Variants in ARHGAP44 observed in about 807,000 individuals in gnomAD.
ARHGAP44 encodes rho GTPase-activating protein 44.
A neutral mutation model predicts 106.8 loss-of-function variants in ARHGAP44; 43 were observed. The ratio of observed to expected loss-of-function variants is 0.40; its 90% CI spans 0.32 to 0.52. The LOEUF is 0.52. Ranked by LOEUF, ARHGAP44 falls within the 20% of genes least tolerant of loss-of-function variation. The pLI is 0.48. For synonymous variants in ARHGAP44, 439 were observed against 410.3 expected (o/e 1.07, Z -0.85); for missense variants, 866 against 1,050.5 (o/e 0.82, Z 2.43).
chr17:12,818,871 C>G (rs1274926095), intron 1 of ARHGAP44, among the ~76,000 whole-genome samples: 1 of 152,016 alleles, frequency 6.6e-6, no homozygotes, highest in Non-Finnish European at 1.5e-5. Flanking sequence ...AGGTTTCGTG[C>G]AATTCCCATC....
At chr17:12,956,071 A>C (rs1598114247) in intron 14 of ARHGAP44, 91 bp downstream of exon 14, 3 of 849,246 alleles carry the variant, frequency 3.5e-6, no homozygotes, top group Non-Finnish European at 5.7e-6. Flanking sequence ...CTAGCTGAGC[A>C]CCAGCCTCAT....
intron 1 of ARHGAP44, among the ~76,000 whole-genome samples, chr17:12,808,335 C>G (rs148064859): frequency 6.6e-6 from 1 of 152,232 alleles, no homozygotes; most frequent in Non-Finnish European, 1.5e-5. Context: ...GTGTGGGGCT[C>G]GAACCCCACA....
At chr17:12,943,962 C>T (rs2150983710) in intron 9 of ARHGAP44, 107 bp from the exon 10 acceptor site, 2 of 1,395,898 alleles carry the variant, frequency 1.4e-6, no homozygotes, top group Non-Finnish European at 1.9e-6. Context: ...TTGGGCCTCC[C>T]TCTCTTTGGT....
chr17:12,916,665 G>T (rs920433502), intron 5 of ARHGAP44, among the ~76,000 whole-genome samples: 1 of 152,208 alleles, frequency 6.6e-6, no homozygotes, highest in Non-Finnish European at 1.5e-5. Context: ...GATTATAGGC[G>T]TGAGCCATCG....
intron 1 of ARHGAP44, among the ~76,000 whole-genome samples, chr17:12,791,329 T>C (rs1002275634): frequency 6.6e-6 from 1 of 152,144 alleles, no homozygotes; most frequent in Admixed American, 6.5e-5. Context: ...CCTTTTGATG[T>C]GTTGGATGCC....
chr17:12,931,419 C>G (rs915202342), intron 7 of ARHGAP44, among the ~76,000 whole-genome samples: 4 of 152,024 alleles, frequency 2.6e-5, no homozygotes, highest in Admixed American at 2.0e-4. Flanking sequence ...TATTAATCTA[C>G]CATTTAATTT....
At chr17:12,854,958 C>CAAAAAA (rs1182512832) in intron 1 of ARHGAP44, among the ~76,000 whole-genome samples, 23 of 50,870 alleles carry the variant, frequency 4.5e-4, no homozygotes, top group South Asian at 9.1e-4. Flanking sequence ...AACTCTGTCT[C>CAAAAAA]AAAAAAAAAA....
At chr17:12,796,242 G>A (rs1320464708) in intron 1 of ARHGAP44, among the ~76,000 whole-genome samples, 1 of 150,880 alleles carries the variant, frequency 6.6e-6, no homozygotes, top group East Asian at 1.9e-4. Context: ...ATTACATCTT[G>A]GATATGATCC....
At chr17:12,970,365 CAAAAAAAAAAAA>C (rs66577680) in intron 16 of ARHGAP44, among the ~76,000 whole-genome samples, 1 of 55,194 alleles carries the variant, frequency 1.8e-5, no homozygotes, top group Non-Finnish European at 4.2e-5. Context: ...GACCCTGTCT[CAAAAAAAAAAAA>C]AAAAAAAAAA....
intron 16 of ARHGAP44, among the ~76,000 whole-genome samples, chr17:12,971,265 C>A (rs557613197): frequency 6.6e-6 from 1 of 152,248 alleles, no homozygotes; most frequent in East Asian, 1.9e-4. Flanking sequence ...ACCAAGGAGG[C>A]TGGTGTCTGA....
chr17:12,979,912 G>A, intron 18 of ARHGAP44, 146 bp from the exon 19 acceptor site: 2 of 822,892 alleles, frequency 2.4e-6, no homozygotes, highest in Admixed American at 3.1e-5. Flanking sequence ...CACCTGCGAA[G>A]GTTTTAGGAA....
intron 3 of ARHGAP44, among the ~76,000 whole-genome samples, chr17:12,902,302 G>T (rs889391027): frequency 6.6e-6 from 1 of 152,086 alleles, no homozygotes; most frequent in Non-Finnish European, 1.5e-5. Context: ...CCTCCGCAGG[G>T]AATGCTCTTA....
intron 16 of ARHGAP44, among the ~76,000 whole-genome samples, chr17:12,959,550 A>T (rs1373599483): frequency 2.0e-5 from 3 of 152,246 alleles, no homozygotes; most frequent in Non-Finnish European, 4.4e-5. Flanking sequence ...TGATTCCCAT[A>T]GCAAGTAAGA....
chr17:12,817,135 G>A (rs533021736), intron 1 of ARHGAP44, among the ~76,000 whole-genome samples: 1 of 152,156 alleles, frequency 6.6e-6, no homozygotes, highest in African/African-American at 2.4e-5. Context: ...AACCCCAAAT[G>A]TCTGGTAATA....
intron 1 of ARHGAP44, among the ~76,000 whole-genome samples, chr17:12,879,205 T>C (rs575414283): frequency 1.9e-4 from 29 of 152,330 alleles, no homozygotes; most frequent in Non-Finnish European, 2.2e-4. Context: ...CTCCCACTTA[T>C]GAGTGAGAAC....
At chr17:12,917,776 A>G (rs2037961388) in intron 5 of ARHGAP44, among the ~76,000 whole-genome samples, 1 of 152,180 alleles carries the variant, frequency 6.6e-6, no homozygotes, top group Non-Finnish European at 1.5e-5. Flanking sequence ...GTTTTTGAGC[A>G]CCAGTGCGAT....
chr17:12,803,849 C>G (rs1327531833), intron 1 of ARHGAP44, among the ~76,000 whole-genome samples: 5 of 152,106 alleles, frequency 3.3e-5, no homozygotes, highest in African/African-American at 1.2e-4. Flanking sequence ...ATACTGCATA[C>G]TATAAATTTA....
chr17:12,947,099 G>A (rs1299426845), intron 10 of ARHGAP44, among the ~76,000 whole-genome samples: 1 of 152,024 alleles, frequency 6.6e-6, no homozygotes, highest in African/African-American at 2.4e-5. Context: ...CAATCTCTTT[G>A]GTTTTGTTTT....
chr17:12,958,662 A>T lies in ARHGAP44; in HGVS notation c.1343-55A>T. The T allele has an allele frequency of 6.4e-7, 1 of 1,559,384 alleles. No individual in the cohort carries two copies. The highest frequency in any genetic ancestry group is 2.3e-5 in the East Asian group (1 of 44,270). On this transcript the variant is annotated intron_variant, in intron 15 of 20. Transcript: ENST00000379672. This position sits in a 1 kb window ranked among gnomAD's most constrained non-coding sequence, Gnocchi z 4.1. The stretch of plus-strand genomic sequence containing the variant: ...GTCTGGACTCATTCCTCCCCTGCCC[A>T]GGAAGGGTGTGGCAGACCAAGAGTT...
Sources: gnomAD v4.1 joint callset for allele counts (sites outside exome capture counted in the v4.1 genomes callset) on GRCh38, gnomAD v4.1.1 for gene constraint, Gnocchi (gnomAD v3.1) non-coding constraint, MANE v1.5 for transcripts, NCBI Gene and HGNC (gene_info 2026-07-23, HGNC 2026-07-21) for gene names.